The following SLC22A23 variants were observed in gnomAD, a reference collection of about 807,000 sequenced individuals.
SLC22A23 encodes the protein solute carrier family 22 member 23.
In SLC22A23, 26 loss-of-function variants were observed where a neutral mutation model predicts 61.0. The observed-to-expected ratio is 0.43, with a 90% CI of 0.31 to 0.59. The LOEUF (loss-of-function observed/expected upper bound fraction) is 0.59. Ranked by LOEUF, SLC22A23 falls within the 20% of genes least tolerant of loss-of-function variation. The pLI is 0.11. For missense variants in SLC22A23, 796 were observed against 934.7 expected (o/e 0.85, Z 1.94); for synonymous variants, 430 against 413.9 (o/e 1.04, Z -0.47).
chr6:3,401,041 C>T (rs1168739647), intron 3 of SLC22A23, among the ~76,000 whole-genome samples: 4 of 152,166 alleles, frequency 2.6e-5, no homozygotes, highest in African/African-American at 7.2e-5. Flanking sequence ...ATTGTGCACA[C>T]TTAAAAATGG....
At position 3,323,947 on chromosome 6, in the gene SLC22A23, G is replaced by C; in HGVS notation, c.969C>G (p.Phe323Leu). Residue 323 changes from phenylalanine (F) to leucine (L), a missense_variant, in exon 4 of 10, where the codon TTC becomes TTG. Coordinates refer to ENST00000406686, the MANE Select transcript of SLC22A23 (RefSeq NM_015482.2). Reference sequence around the variant, plus strand: ...TGAGGAACTGGCCCGCCATGGCCACGAAGCTCGCCACCATCGTAATCATGA... The same window carrying C: ...TGAGGAACTGGCCCGCCATGGCCACCAAGCTCGCCACCATCGTAATCATGA... Reference protein sequence around the residue: ...KRFMITMVASFVAMAGQFLMP... With the variant: ...KRFMITMVASLVAMAGQFLMP... The C allele has an allele frequency of 1.2e-6, 2 of 1,614,244 alleles. No homozygotes were observed. The highest frequency in any genetic ancestry group is 1.7e-6 in the Non-Finnish European group (2 of 1,180,048).
intron 5 of SLC22A23, among the ~76,000 whole-genome samples, chr6:3,294,089 A>G (rs1386938926): frequency 6.6e-6 from 1 of 152,148 alleles, no homozygotes; most frequent in Non-Finnish European, 1.5e-5. Context: ...CCTGACACTG[A>G]GAGGTATCAT....
chr6:3,415,972 T>A (rs1769669709), intron 1 of SLC22A23, 117 bp from the exon 2 acceptor site: 1 of 667,480 alleles, frequency 1.5e-6, no homozygotes, highest in African/African-American at 1.8e-5. Flanking sequence ...GCCAGTACCA[T>A]GCCATATACA....
rs1763098084 is a variant in SLC22A23, at chr6:3,323,653, G to GACACAA, written c.1082+180_1082+181insTTGTGT. 7 of 748,592 alleles carry GACACAA rather than the reference G, an allele frequency of 9.4e-6. No homozygotes were observed. The Admixed American group carries it at 2.1e-4, about 22-fold the overall frequency. The allele number at this position is 748,592 out of a possible 1,614,324, so 46.4% of individuals were successfully genotyped here. On this transcript the variant is annotated intron_variant, in intron 4 of 9. Coordinates refer to ENST00000406686, the MANE Select transcript of SLC22A23 (RefSeq NM_015482.2). ...TTCTATTTTTGTGTATATTTGAACAGTTTTCCAAGACAGAAAGTTTAAACA... is the reference window on the plus strand; with the variant it reads ...TTCTATTTTTGTGTATATTTGAACAGACACAATTTTCCAAGACAGAAAGTTTAAACA...
chr6:3,289,541 G>A (rs1448808553), intron 6 of SLC22A23, among the ~76,000 whole-genome samples: 1 of 152,250 alleles, frequency 6.6e-6, no homozygotes, highest in Non-Finnish European at 1.5e-5. Context: ...TGGTGGGGAG[G>A]CCCTGCTCAC....
intron 3 of SLC22A23, among the ~76,000 whole-genome samples, chr6:3,341,538 AG>A (rs1764154391): frequency 6.6e-6 from 1 of 152,200 alleles, no homozygotes; most frequent in Non-Finnish European, 1.5e-5. Flanking sequence ...TACTCTACTT[AG>A]GATGTGACTC....
chr6:3,366,034 G>GA (rs1765787274), intron 3 of SLC22A23, among the ~76,000 whole-genome samples: 1 of 152,122 alleles, frequency 6.6e-6, no homozygotes, highest in Non-Finnish European at 1.5e-5. Context: ...GTCAGCATCA[G>GA]AAAGAGAAGG....
intron 1 of SLC22A23, among the ~76,000 whole-genome samples, chr6:3,438,931 T>C (rs79519859): frequency 0.034 from 5,104 of 152,294 alleles, 288 homozygotes; most frequent in African/African-American, 0.12. Flanking sequence ...CACCCATGTG[T>C]CCCGTACTGT....
At chr6:3,420,916 C>T (rs1770084818) in intron 1 of SLC22A23, among the ~76,000 whole-genome samples, 1 of 151,952 alleles carries the variant, frequency 6.6e-6, no homozygotes. Flanking sequence ...ACCAGCCCGG[C>T]CAATATGGTG....
chr6:3,377,043 T>C (rs1766616825), intron 3 of SLC22A23, among the ~76,000 whole-genome samples: 1 of 151,932 alleles, frequency 6.6e-6, no homozygotes, highest in Non-Finnish European at 1.5e-5. Context: ...TCCAATCAGG[T>C]GAGTCATCTA....
intron 3 of SLC22A23, among the ~76,000 whole-genome samples, chr6:3,374,361 G>T (rs1766423102): frequency 6.6e-6 from 1 of 152,182 alleles, no homozygotes; most frequent in South Asian, 2.1e-4. Flanking sequence ...ACTGGGGACT[G>T]GGAGGCCTGT....
chr6:3,397,730 T>C (rs539682120), intron 3 of SLC22A23, among the ~76,000 whole-genome samples: 136 of 152,326 alleles, frequency 8.9e-4, no homozygotes, highest in African/African-American at 2.8e-3. Context: ...TGCTCAGCTA[T>C]ACAGCACCAT....
At chr6:3,404,793 T>A (rs1179509667) in intron 3 of SLC22A23, among the ~76,000 whole-genome samples, 1 of 152,190 alleles carries the variant, frequency 6.6e-6, no homozygotes, top group African/African-American at 2.4e-5. Flanking sequence ...AAATGCCCTG[T>A]TACTTTTTGC....
chr6:3,314,075 C>G (rs969786019), intron 4 of SLC22A23, among the ~76,000 whole-genome samples: 16 of 152,204 alleles, frequency 1.1e-4, no homozygotes, highest in African/African-American at 3.9e-4. Flanking sequence ...TCAACGATAA[C>G]AAGAAGAAAA....
At chr6:3,359,177 C>T (rs995379275) in intron 3 of SLC22A23, among the ~76,000 whole-genome samples, 7 of 151,978 alleles carry the variant, frequency 4.6e-5, no homozygotes, top group Non-Finnish European at 8.8e-5. Context: ...AGATGGGCAC[C>T]GAGAAGGAGA....
intron 3 of SLC22A23, among the ~76,000 whole-genome samples, chr6:3,366,132 C>A (rs1435702030): frequency 1.3e-5 from 2 of 151,816 alleles, no homozygotes; most frequent in Non-Finnish European, 1.5e-5. Flanking sequence ...AGATCGAGAC[C>A]ACCCTGGCTA....
chr6:3,423,420 T>C (rs941328730), intron 1 of SLC22A23, among the ~76,000 whole-genome samples: 1 of 152,242 alleles, frequency 6.6e-6, no homozygotes, highest in South Asian at 2.1e-4. Flanking sequence ...GGAAGCTGAA[T>C]AGATACCCAC....
In SLC22A23 at chr6:3,304,992, C is replaced by T. The variant is rs996900585; in HGVS notation, c.1083-6774G>A. On this transcript the variant is annotated intron_variant, in intron 4 of 9. Transcript: ENST00000406686. This position sits in a 1 kb window ranked among gnomAD's most constrained non-coding sequence, Gnocchi z 4.3. Reference sequence around the variant, plus strand: ...AGTGAACTGAAGTAAAGACAGCACTCCCCAGGAGATCTGGGCGCGAGACAA... The same window carrying T: ...AGTGAACTGAAGTAAAGACAGCACTTCCCAGGAGATCTGGGCGCGAGACAA... Among the ~76,000 whole-genome samples, 2 of 152,000 alleles carry T rather than the reference C, an allele frequency of 1.3e-5. No homozygotes were observed. Among genetic ancestry groups the T allele is most frequent in the Non-Finnish European group, 2.9e-5 (2 of 68,008 alleles).
intron 3 of SLC22A23, among the ~76,000 whole-genome samples, chr6:3,347,576 T>C (rs1035028181): frequency 9.2e-5 from 14 of 152,016 alleles, no homozygotes; most frequent in African/African-American, 3.4e-4. Flanking sequence ...TTGGGTCTCC[T>C]AAGCTGCTTC....
Sources: allele counts gnomAD v4.1 joint callset (sites outside exome capture counted in the v4.1 genomes callset), GRCh38; gene constraint gnomAD v4.1.1; non-coding constraint Gnocchi (gnomAD v3.1); transcripts MANE v1.5; gene names NCBI Gene and HGNC (gene_info 2026-07-23, HGNC 2026-07-21).